Variants in WBP2NL observed in about 807,000 individuals in gnomAD.
WBP2NL encodes postacrosomal sheath WW domain-binding protein.
Under a neutral mutation model 23.3 loss-of-function variants are expected in WBP2NL, and 27 were observed. The observed-to-expected ratio is 1.16, with a 90% confidence interval of 0.85 to 1.60. The LOEUF is 1.60. WBP2NL is among the 40% of genes most tolerant of loss of function. The pLI, the probability that WBP2NL is intolerant of heterozygous loss-of-function variation, is 0.00. For synonymous variants in WBP2NL, 151 were observed against 145.9 expected (o/e 1.03, Z -0.25); for missense variants, 370 against 389.5 (o/e 0.95, Z 0.42).
chr22:42,042,191 G>A (rs1925422711), intron 8 of WBP2NL, among the ~76,000 whole-genome samples: 1 of 152,140 alleles, frequency 6.6e-6, no homozygotes, highest in Non-Finnish European at 1.5e-5. Flanking sequence ...CAGTCTGGAC[G>A]TCTATTTCTT....
At position 42,026,958 on chromosome 22, in the gene WBP2NL, T is replaced by C; in HGVS notation, c.707T>C (p.Leu236Pro). Residue 236 changes from leucine to proline, a missense_variant, in exon 6 of 6, where the codon CTA becomes CCA. Physicochemically the swap from Leu to Pro is moderately conservative, Grantham distance 98. Transcript: ENST00000328823. ...APPAGYGAPP[L>P]GYGAPPLGYG... ...CCTGCAGGATATGGAGCCCCACCTC[T>C]AGGATATGGAGCCCCACCTCTTGGA... 6.2e-7 allele frequency: 1 copy of C among 1,612,348 alleles called. No homozygotes were observed. The highest frequency in any genetic ancestry group is 8.5e-7 in the Non-Finnish European group (1 of 1,179,392).
At position 42,026,860 on chromosome 22, in the gene WBP2NL, T is replaced by C. The variant is rs1569451669; in HGVS notation, c.609T>C (p.Asn203=). ...GATATGGAGCCCAACCCGTAGGAAA[T>C]GAAGGCCCGCCTGTGGGATACAGAG... The part of the protein sequence containing the change: ...PAGYGAQPVG[N]EGPPVGYRAS... Residue 203 remains asparagine (N), a synonymous_variant, in exon 6 of 6, where the codon AAT becomes AAC. Coordinates refer to ENST00000328823, the MANE Select transcript of WBP2NL (RefSeq NM_152613.3). The C allele has an allele frequency of 6.2e-7, 1 of 1,612,842 alleles. No homozygotes were observed. The highest frequency in any genetic ancestry group is 2.2e-5 in the East Asian group (1 of 44,822).
At chr22:42,014,304 C>A (rs1239689199) in intron 1 of WBP2NL, among the ~76,000 whole-genome samples, 2 of 152,186 alleles carry the variant, frequency 1.3e-5, no homozygotes, top group Admixed American at 6.5e-5. Context: ...TGGCTCACTA[C>A]AGCCTTGACC....
intron 1 of WBP2NL, among the ~76,000 whole-genome samples, chr22:42,003,778 T>C (rs894224698): frequency 2.9e-4 from 44 of 152,308 alleles, no homozygotes; most frequent in Admixed American, 2.1e-3. Flanking sequence ...GGATTTAGTT[T>C]GAGGCACTAA....
chr22:42,046,274 T>C (rs953824553), intron 8 of WBP2NL, among the ~76,000 whole-genome samples: 2 of 152,228 alleles, frequency 1.3e-5, no homozygotes, highest in African/African-American at 4.8e-5. Context: ...CCATGAAATA[T>C]AAACCAAAAA....
chr22:42,045,244 C>G (rs1163084755), intron 8 of WBP2NL, among the ~76,000 whole-genome samples: 2 of 152,066 alleles, frequency 1.3e-5, no homozygotes, highest in Non-Finnish European at 2.9e-5. Flanking sequence ...CGAGACCATC[C>G]TGGCCAACAT....
At chr22:42,012,676 C>T (rs133329) in intron 1 of WBP2NL, among the ~76,000 whole-genome samples, 109,506 of 151,998 alleles carry the variant, frequency 0.72, 39,935 homozygotes, top group East Asian at 0.9. Context: ...TTTTGCCACT[C>T]ATAGAATTCT....
chr22:42,027,933 A>G lies in WBP2NL; in HGVS notation c.*752A>G. 2.5e-6 allele frequency: 1 copy of G among 398,492 alleles called. No homozygotes were observed. Among genetic ancestry groups the G allele is most frequent in the Admixed American group, 4.4e-5 (1 of 22,736 alleles). The allele number at this position is 398,492 out of a possible 1,614,324, so 24.7% of individuals were successfully genotyped here. ...GCATGGCCAGAAAACGTTTGAAAAG[A>G]TGTTCAGCTTGACTAGTGTTAGGGA... is the stretch of plus-strand genomic sequence containing the variant. On this transcript the variant is annotated 3_prime_UTR_variant, in exon 6 of 6. Coordinates refer to ENST00000328823, the MANE Select transcript of WBP2NL (RefSeq NM_152613.3).
In WBP2NL at chr22:42,022,327, A is replaced by C; in HGVS notation, c.485A>C (p.Asn162Thr). 1 of 1,613,954 alleles carries C rather than the reference A, an allele frequency of 6.2e-7. No individual in the cohort carries two copies. The highest frequency in any genetic ancestry group is 1.3e-5 in the African/African-American group (1 of 75,056). The part of the protein sequence containing the change: ...MGIYVITGEG[N>T]MCTPQMPCSV... Reference sequence around the variant, plus strand: ...ATTTATGTAATTACTGGGGAAGGGAATATGTGCACTCCACAGATGCCTTGT... The same window carrying C: ...ATTTATGTAATTACTGGGGAAGGGACTATGTGCACTCCACAGATGCCTTGT... Residue 162 changes from asparagine to threonine, a missense_variant, in exon 5 of 6, where the codon AAT becomes ACT. Transcript: ENST00000328823.
intron 1 of WBP2NL, among the ~76,000 whole-genome samples, chr22:42,013,163 G>A (rs188485971): frequency 2.6e-5 from 4 of 151,602 alleles, no homozygotes; most frequent in Admixed American, 2.0e-4. Context: ...ACCTGAGGCC[G>A]GGAGTTCGAG....
At chr22:42,001,469 G>C in intron 1 of WBP2NL, 2 of 913,658 alleles carry the variant, frequency 2.2e-6, no homozygotes, top group Non-Finnish European at 3.6e-6. Context: ...AATCCCGTCA[G>C]ATTTGTAGAT....
intron 5 of WBP2NL, among the ~76,000 whole-genome samples, chr22:42,023,617 G>T (rs1302469559): frequency 2.6e-5 from 4 of 151,546 alleles, no homozygotes; most frequent in Admixed American, 2.6e-4. Flanking sequence ...TCAGCCTCCT[G>T]AGTAGCTGGG....
chr22:42,006,237 T>C lies in WBP2NL; in HGVS notation c.62+7357T>C, dbSNP rs955823026. ...TTTCCCAATCTTTTTTTTTTTTTTT[T>C]CGAGACGGAGTCTCGCTCTGTCACC... On this transcript the variant is annotated intron_variant, in intron 1 of 5. Coordinates refer to ENST00000328823, the MANE Select transcript of WBP2NL (RefSeq NM_152613.3). 1.0e-4 allele frequency among the ~76,000 whole-genome samples: 15 copies of C among 144,820 alleles called. No homozygotes were observed. In the South Asian group the frequency reaches 1.1e-3, roughly 10 times the overall value.
Position 42,027,377 on chromosome 22 carries a change from T to A in WBP2NL, c.*196T>A. On this transcript the variant is annotated 3_prime_UTR_variant, in exon 6 of 6. Coordinates refer to ENST00000328823, the MANE Select transcript of WBP2NL (RefSeq NM_152613.3). ...AGATTTTAGAAGCAGAATCAACTCT[T>A]AAATAGCTGGCTAAAGGAAGAATAC... The A allele has an allele frequency of 4.7e-6, 3 of 631,938 alleles. No homozygotes were observed. Among genetic ancestry groups the A allele is most frequent in the Non-Finnish European group, 7.5e-6 (3 of 401,342 alleles). 39.1% of individuals were successfully genotyped at this position (631,938 alleles called of 1,614,324 possible).
At chr22:42,019,272 A>G (rs756721683) in intron 1 of WBP2NL, 39 bp from the exon 2 acceptor site, 11 of 1,560,176 alleles carry the variant, frequency 7.1e-6, no homozygotes, top group East Asian at 2.2e-5. Flanking sequence ...TTTTACATAC[A>G]TTCTTTATTG....
intron 8 of WBP2NL, among the ~76,000 whole-genome samples, chr22:42,039,322 C>T (rs182596114): frequency 6.6e-5 from 10 of 151,318 alleles, no homozygotes; most frequent in South Asian, 2.1e-4. Flanking sequence ...GTGATCCACT[C>T]GCCTTGGCCT....
intron 8 of WBP2NL, among the ~76,000 whole-genome samples, chr22:42,041,851 G>A (rs1925410595): frequency 6.6e-6 from 1 of 152,180 alleles, no homozygotes; most frequent in South Asian, 2.1e-4. Context: ...AATCCCTTAA[G>A]CATTTCTTGT....
At chr22:42,049,699 ACAAAAC>A (rs1294576272) in intron 8 of WBP2NL, among the ~76,000 whole-genome samples, 3,108 of 89,594 alleles carry the variant, frequency 0.035, 308 homozygotes, top group African/African-American at 0.17. Context: ...CCAAAACAAA[ACAAAAC>A]AAAAAAAAAA....
At chr22:42,016,279 C>A (rs188970229) in intron 1 of WBP2NL, among the ~76,000 whole-genome samples, 50 of 152,282 alleles carry the variant, frequency 3.3e-4, no homozygotes, top group African/African-American at 1.1e-3. Context: ...CCGGACCCGG[C>A]CGGAAATGTT....
Sources: gnomAD v4.1 joint callset for allele counts (sites outside exome capture counted in the v4.1 genomes callset) on GRCh38, gnomAD v4.1.1 for gene constraint, MANE v1.5 for transcripts, NCBI Gene and HGNC (gene_info 2026-07-23, HGNC 2026-07-21) for gene names.